PRKN: variants seen among roughly 807,000 people sequenced by gnomAD.
PRKN encodes the protein E3 ubiquitin-protein ligase parkin.
Under a neutral mutation model 59.5 loss-of-function variants are expected in PRKN, and 56 were observed. That is an observed-to-expected ratio of 0.94 (90% CI 0.76 to 1.18). The LOEUF is 1.18. Ranked by LOEUF, PRKN falls within the 50% of genes most tolerant of loss-of-function variation. The pLI is 0.00. For synonymous variants in PRKN, 250 were observed against 222.1 expected (o/e 1.13, Z -1.12); for missense variants, 657 against 596.4 (o/e 1.10, Z -1.06).
At chr6:161,469,058 A>G (rs529476436) in intron 9 of PRKN, among the ~76,000 whole-genome samples, 1 of 152,060 alleles carries the variant, frequency 6.6e-6, no homozygotes, top group Non-Finnish European at 1.5e-5. Context: ...CACCTCCCCC[A>G]TGTCTGTGTA....
At chr6:161,992,338 T>C (rs116525017) in intron 5 of PRKN, among the ~76,000 whole-genome samples, 1,933 of 152,192 alleles carry the variant, frequency 0.013, 35 homozygotes, top group African/African-American at 0.044. Context: ...AGATTCTGTC[T>C]TTAAAAAAGA....
chr6:161,368,309 G>GTATATATATT (rs1293791436), intron 10 of PRKN, among the ~76,000 whole-genome samples: 1 of 117,488 alleles, frequency 8.5e-6, no homozygotes, highest in East Asian at 2.0e-4. Flanking sequence ...ATATATATTT[G>GTATATATATT]TATATATATT....
intron 3 of PRKN, among the ~76,000 whole-genome samples, chr6:162,259,236 G>T (rs1779782580): frequency 6.6e-6 from 1 of 152,196 alleles, no homozygotes; most frequent in African/African-American, 2.4e-5. Flanking sequence ...GATTGGCTTG[G>T]TGTGTTCACC....
At chr6:162,467,857 A>C (rs938263721) in intron 1 of PRKN, among the ~76,000 whole-genome samples, 1 of 151,646 alleles carries the variant, frequency 6.6e-6, no homozygotes, top group Non-Finnish European at 1.5e-5. Context: ...CTGTGTCTGG[A>C]AGAAGCCAAC....
intron 1 of PRKN, among the ~76,000 whole-genome samples, chr6:162,489,327 C>T (rs1240689357): frequency 2.6e-5 from 4 of 152,156 alleles, no homozygotes; most frequent in African/African-American, 9.7e-5. Context: ...AAGCAGCATA[C>T]ATTTAGCTTG....
intron 1 of PRKN, among the ~76,000 whole-genome samples, chr6:162,469,509 TACAC>T (rs74725154): frequency 0.055 from 8,181 of 148,900 alleles, 284 homozygotes; most frequent in East Asian, 0.13. Flanking sequence ...TGTGTGTGTA[TACAC>T]ACACACACAC....
At chr6:162,091,112 CTTT>C (rs10554768) in intron 4 of PRKN, among the ~76,000 whole-genome samples, 1,616 of 148,224 alleles carry the variant, frequency 0.011, 24 homozygotes, top group African/African-American at 0.034. Context: ...TCTTGCTATC[CTTT>C]TTTTTTTTTT....
intron 9 of PRKN, among the ~76,000 whole-genome samples, chr6:161,512,482 G>A (rs974130804): frequency 6.6e-6 from 1 of 152,206 alleles, no homozygotes; most frequent in Non-Finnish European, 1.5e-5. Flanking sequence ...CACCTCGTTG[G>A]TAGGGATGAC....
intron 6 of PRKN, among the ~76,000 whole-genome samples, chr6:161,845,289 G>A (rs1422667600): frequency 2.0e-5 from 3 of 152,204 alleles, no homozygotes; most frequent in African/African-American, 7.2e-5. Flanking sequence ...AGAAGCAGCA[G>A]TATCTCTCCA....
chr6:162,472,059 G>A (rs1368120719), intron 1 of PRKN, among the ~76,000 whole-genome samples: 2 of 152,074 alleles, frequency 1.3e-5, no homozygotes, highest in African/African-American at 2.4e-5. Flanking sequence ...AATGACACTG[G>A]GGAACGCTTT....
intron 9 of PRKN, among the ~76,000 whole-genome samples, chr6:161,532,763 T>C (rs991289699): frequency 6.6e-6 from 1 of 152,172 alleles, no homozygotes; most frequent in African/African-American, 2.4e-5. Flanking sequence ...TGTTCACTGG[T>C]GCATGCACGT....
At chr6:162,033,807 TTTCC>T (rs1783732764) in intron 5 of PRKN, among the ~76,000 whole-genome samples, 2 of 152,224 alleles carry the variant, frequency 1.3e-5, no homozygotes, top group Admixed American at 1.3e-4. Flanking sequence ...CATTGTGTGT[TTTCC>T]TTCCATCTTT....
At chr6:162,585,546 ATTC>A (rs1380445513) in intron 1 of PRKN, among the ~76,000 whole-genome samples, 1 of 152,150 alleles carries the variant, frequency 6.6e-6, no homozygotes, top group Non-Finnish European at 1.5e-5. Flanking sequence ...TCATAATTCT[ATTC>A]TTCTCTTATT....
intron 4 of PRKN, among the ~76,000 whole-genome samples, chr6:162,091,458 T>C (rs1306900622): frequency 1.3e-5 from 2 of 152,238 alleles, no homozygotes; most frequent in Admixed American, 1.3e-4. Flanking sequence ...CACAGAATTA[T>C]TAAAATGTAG....
chr6:162,007,155 C>T (rs1782289108), intron 5 of PRKN, among the ~76,000 whole-genome samples: 1 of 152,072 alleles, frequency 6.6e-6, no homozygotes, highest in South Asian at 2.1e-4. Context: ...TGCTATTAGT[C>T]ATTTTTCAAT....
chr6:162,255,169 A>C (rs1426395073), intron 3 of PRKN, among the ~76,000 whole-genome samples: 2 of 152,130 alleles, frequency 1.3e-5, no homozygotes, highest in African/African-American at 4.8e-5. Flanking sequence ...GACGTCTCCC[A>C]AGTATGGGTT....
intron 7 of PRKN, among the ~76,000 whole-genome samples, chr6:161,629,648 A>T (rs1437173309): frequency 6.6e-6 from 1 of 151,914 alleles, no homozygotes; most frequent in Non-Finnish European, 1.5e-5. Flanking sequence ...CGCTTTTTTA[A>T]TGTTTTCCAT....
rs192306318 is a variant in PRKN at position 162,497,340 on chromosome 6, C to T, written c.8-53867G>A. Among the ~76,000 whole-genome samples the T allele has an allele frequency of 6.6e-3, 1,011 of 152,258 alleles. 13 individuals are homozygous for T. Among genetic ancestry groups the T allele is most frequent in the African/African-American group, 0.023 (962 of 41,544 alleles). On this transcript the variant is annotated intron_variant, in intron 1 of 11. Coordinates refer to ENST00000366898, the MANE Select transcript of PRKN (RefSeq NM_004562.3). Reference sequence around the variant, plus strand: ...CTAAACTTAACAAAACACCTAACTACGCTTCCGGAAATAGGTAAAAGAACT... The same window carrying T: ...CTAAACTTAACAAAACACCTAACTATGCTTCCGGAAATAGGTAAAAGAACT...
At chr6:161,496,651 C>T (rs1389224056) in intron 9 of PRKN, among the ~76,000 whole-genome samples, 1 of 152,222 alleles carries the variant, frequency 6.6e-6, no homozygotes, top group Non-Finnish European at 1.5e-5. Flanking sequence ...CCTGGCCCAG[C>T]CCTTGATCTG....
Sources: allele counts gnomAD v4.1 joint callset (sites outside exome capture counted in the v4.1 genomes callset), GRCh38; gene constraint gnomAD v4.1.1; transcripts MANE v1.5; gene names NCBI Gene and HGNC (gene_info 2026-07-23, HGNC 2026-07-21).